The following LARGE1 variants were observed in gnomAD, a reference collection of about 807,000 sequenced individuals.
The protein encoded by LARGE1 is LARGE xylosyl- and glucuronyltransferase 1, also known as xylosyl- and glucuronyltransferase LARGE1.
LARGE1 carries 43 observed loss-of-function variants against 87.6 expected under a neutral mutation model. The observed-to-expected ratio is 0.49, with a 90% confidence interval of 0.38 to 0.63. The LOEUF (loss-of-function observed/expected upper bound fraction) is 0.63. LARGE1 is among the 30% of genes least tolerant of loss of function. LARGE1 has a pLI of 0.00. For synonymous variants in LARGE1, 434 were observed against 394.6 expected (o/e 1.10, Z -1.18); for missense variants, 802 against 1,000.2 (o/e 0.80, Z 2.67).
chr22:33,750,733 C>A (rs887800717), intron 2 of LARGE1: 1 of 152,036 alleles, frequency 6.6e-6, no homozygotes, highest in African/African-American at 2.4e-5. Flanking sequence ...ATTGCAAGAG[C>A]TGGTAAGAAT....
intron 2 of LARGE1, among the ~76,000 whole-genome samples, chr22:33,685,173 C>G (rs1377092794): frequency 2.6e-5 from 4 of 152,148 alleles, no homozygotes; most frequent in African/African-American, 9.7e-5. Context: ...AGAGGGTGGA[C>G]AGAGGTAGTG....
chr22:33,909,532 T>TG (rs2065563494), intron 1 of LARGE1, among the ~76,000 whole-genome samples: 1 of 151,344 alleles, frequency 6.6e-6, no homozygotes, highest in African/African-American at 2.4e-5. Context: ...GTTTTTTTTT[T>TG]TTTGTTTTTG....
chr22:33,709,979 GAAA>G (rs5845106), intron 2 of LARGE1, among the ~76,000 whole-genome samples: 18 of 88,798 alleles, frequency 2.0e-4, no homozygotes, highest in African/African-American at 4.7e-4. Context: ...TTGCTAGGCA[GAAA>G]AAAAAAAAAA....
At chr22:33,381,181 A>T (rs954079966) in intron 9 of LARGE1, among the ~76,000 whole-genome samples, 1 of 152,094 alleles carries the variant, frequency 6.6e-6, no homozygotes, top group African/African-American at 2.4e-5. Context: ...GACCACAAAT[A>T]CTCTGTTAAA....
At chr22:33,324,559 A>G (rs1937076545) in intron 10 of LARGE1, among the ~76,000 whole-genome samples, 1 of 152,234 alleles carries the variant, frequency 6.6e-6, no homozygotes, top group South Asian at 2.1e-4. Context: ...CAGCTGAGGC[A>G]GAGGGAAATT....
intron 2 of LARGE1, among the ~76,000 whole-genome samples, chr22:33,693,693 G>A (rs1447838351): frequency 1.1e-4 from 16 of 152,014 alleles, no homozygotes; most frequent in Non-Finnish European, 2.1e-4. Flanking sequence ...GCATGGTGGC[G>A]CACGCCTGTG....
At chr22:33,486,732 C>T (rs1408531527) in intron 6 of LARGE1, among the ~76,000 whole-genome samples, 1 of 152,170 alleles carries the variant, frequency 6.6e-6, no homozygotes, top group Non-Finnish European at 1.5e-5. Flanking sequence ...ATTACACAAT[C>T]CACTGTTGAT....
intron 2 of LARGE1, among the ~76,000 whole-genome samples, chr22:33,673,836 C>T (rs531102111): frequency 2.4e-4 from 18 of 73,764 alleles, no homozygotes; most frequent in African/African-American, 1.1e-3. Flanking sequence ...TACACGACCA[C>T]GCCCAGCTAA....
chr22:33,725,524 TA>T (rs747588788), intron 2 of LARGE1: 1 of 152,118 alleles, frequency 6.6e-6, no homozygotes. Flanking sequence ...AGGGGCAGGG[TA>T]GGGGAGGACC....
intron 5 of LARGE1, among the ~76,000 whole-genome samples, chr22:33,567,151 A>C (rs1435693253): frequency 6.6e-6 from 1 of 152,192 alleles, no homozygotes; most frequent in East Asian, 1.9e-4. Context: ...AACCTGTCTC[A>C]TAGCTGCCCT....
chr22:33,219,415 G>T (rs941554819), intron 11 of LARGE1, among the ~76,000 whole-genome samples: 1 of 152,218 alleles, frequency 6.6e-6, no homozygotes, highest in Non-Finnish European at 1.5e-5. Flanking sequence ...TTTGGTATTT[G>T]TGACAAAAAT....
chr22:33,419,097 A>G (rs903604888), intron 7 of LARGE1, among the ~76,000 whole-genome samples: 3 of 152,052 alleles, frequency 2.0e-5, no homozygotes, highest in Non-Finnish European at 4.4e-5. Flanking sequence ...GAAACTTACA[A>G]TCATGGTGGA....
chr22:33,290,970 C>T (rs559908810), intron 12 of LARGE1, among the ~76,000 whole-genome samples: 48 of 151,572 alleles, frequency 3.2e-4, no homozygotes, highest in Non-Finnish European at 5.9e-4. Flanking sequence ...ACCTGGGAGG[C>T]AGAGGGTGCA....
At chr22:33,154,688 C>CTT in the LARGE1 span, among the ~76,000 whole-genome samples, 17 of 151,226 alleles carry the variant, frequency 1.1e-4, no homozygotes. Context: ...ATAAGTTAGT[C>CTT]TTTTTTTTTC....
chr22:33,123,149 G>A, the LARGE1 span, among the ~76,000 whole-genome samples: 1 of 152,140 alleles, frequency 6.6e-6, no homozygotes, highest in African/African-American at 2.4e-5. Context: ...GCTTCTTGGT[G>A]CCAGAGGTGT....
rs573054018 is a variant in LARGE1 at position 33,264,733 on chromosome 22, G to T, written c.1730+39496C>A. ...CCTTCTGGTGCAACAAAGTCTCTCTGCTTGATGAAATATTAGATGAACTCT... is the reference window on the plus strand; with the variant it reads ...CCTTCTGGTGCAACAAAGTCTCTCTTCTTGATGAAATATTAGATGAACTCT... On this transcript the variant is annotated intron_variant, in intron 11 of 11. Coordinates refer to the LARGE1 transcript ENST00000608642. Among the ~76,000 whole-genome samples the T allele has an allele frequency of 2.6e-5, 4 of 152,006 alleles. No individual in the cohort carries two copies. The South Asian group carries it at 8.3e-4, about 32-fold the overall frequency.
At chr22:33,756,727 C>T (rs1454428849) in intron 2 of LARGE1, among the ~76,000 whole-genome samples, 1 of 152,120 alleles carries the variant, frequency 6.6e-6, no homozygotes, top group Admixed American at 6.5e-5. Context: ...CAGAGCGGTG[C>T]TCTGATTCAG....
intron 6 of LARGE1, among the ~76,000 whole-genome samples, chr22:33,473,496 C>T (rs929147426): frequency 6.6e-6 from 1 of 152,134 alleles, no homozygotes; most frequent in Non-Finnish European, 1.5e-5. Flanking sequence ...ACTAGGGGCA[C>T]ATGCCACCAC....
intron 6 of LARGE1, among the ~76,000 whole-genome samples, chr22:33,445,726 T>G (rs1366547326): frequency 6.6e-6 from 1 of 151,200 alleles, no homozygotes; most frequent in African/African-American, 2.4e-5. Context: ...CTCGGCTCAC[T>G]GCAACCTCCA....
Sources: allele counts gnomAD v4.1 joint callset (sites outside exome capture counted in the v4.1 genomes callset), GRCh38; gene constraint gnomAD v4.1.1; transcripts MANE v1.5; gene names NCBI Gene and HGNC (gene_info 2026-07-23, HGNC 2026-07-21).